The following ZNF438 variants were observed in gnomAD, a reference collection of about 807,000 sequenced individuals.
ZNF438 encodes the protein zinc finger protein 438.
ZNF438 carries 25 observed loss-of-function variants against 38.0 expected under a neutral mutation model. The observed-to-expected ratio is 0.66, with a 90% CI of 0.48 to 0.92. The LOEUF (loss-of-function observed/expected upper bound fraction) is 0.92. Among genes scored for constraint, ZNF438 ranks in the 40% least tolerant of loss-of-function variants. The pLI is 0.00. For missense variants in ZNF438, 1,007 were observed against 999.6 expected (o/e 1.01, Z -0.10); for synonymous variants, 372 against 364.1 (o/e 1.02, Z -0.25).
At chr10:30,884,274 A>G (rs1476265587) in intron 3 of ZNF438, among the ~76,000 whole-genome samples, 2 of 152,160 alleles carry the variant, frequency 1.3e-5, no homozygotes, top group Non-Finnish European at 2.9e-5. Flanking sequence ...TTAAACATGA[A>G]TAAGTTATAT....
intron 4 of ZNF438, among the ~76,000 whole-genome samples, chr10:30,856,473 A>G (rs1307765940): frequency 2.3e-5 from 3 of 132,956 alleles, no homozygotes; most frequent in African/African-American, 8.0e-5. Flanking sequence ...ACATACTAAG[A>G]TAGTATGTCT....
intron 1 of ZNF438, among the ~76,000 whole-genome samples, chr10:30,967,085 G>C (rs1448203961): frequency 6.6e-6 from 1 of 152,172 alleles, no homozygotes; most frequent in Non-Finnish European, 1.5e-5. Flanking sequence ...CTCTTTACCT[G>C]AGATTAAGGC....
chr10:30,847,442 T>A (rs1017671760), intron 5 of ZNF438, among the ~76,000 whole-genome samples: 1 of 152,202 alleles, frequency 6.6e-6, no homozygotes, highest in Non-Finnish European at 1.5e-5. Flanking sequence ...AACTCTGAGC[T>A]GTTCTATCAC....
intron 2 of ZNF438, among the ~76,000 whole-genome samples, chr10:30,929,558 T>A (rs1411195405): frequency 1.3e-5 from 2 of 152,070 alleles, no homozygotes; most frequent in African/African-American, 4.8e-5. Context: ...TTGCAAAGAG[T>A]GAAAGAACAA....
intron 1 of ZNF438, among the ~76,000 whole-genome samples, chr10:30,968,439 T>G (rs946657207): frequency 2.9e-5 from 4 of 139,544 alleles, no homozygotes; most frequent in Non-Finnish European, 6.2e-5. Flanking sequence ...GTAAACTTTT[T>G]TTTTTTTTTT....
intron 2 of ZNF438, among the ~76,000 whole-genome samples, chr10:30,915,639 T>C (rs1400969309): frequency 1.3e-5 from 2 of 151,776 alleles, no homozygotes; most frequent in Admixed American, 1.3e-4. Flanking sequence ...AGTGCAGAGA[T>C]GAAAAAATCT....
chr10:31,013,531 T>G (rs1165560225), intron 1 of ZNF438, among the ~76,000 whole-genome samples: 1 of 152,112 alleles, frequency 6.6e-6, no homozygotes, highest in Non-Finnish European at 1.5e-5. Flanking sequence ...GAGGGGTTAT[T>G]AGGTCAGACT....
At chr10:30,885,437 A>C (rs927830352) in intron 3 of ZNF438, among the ~76,000 whole-genome samples, 3 of 152,250 alleles carry the variant, frequency 2.0e-5, no homozygotes, top group Admixed American at 2.0e-4. Context: ...TGTATTCTAC[A>C]CTGTAGCTCT....
At chr10:30,951,430 AT>A (rs2048181211) in intron 1 of ZNF438, among the ~76,000 whole-genome samples, 1 of 151,972 alleles carries the variant, frequency 6.6e-6, no homozygotes, top group South Asian at 2.1e-4. Flanking sequence ...AATAAAGGGT[AT>A]TCAATTAGGA....
At chr10:31,026,316 G>C (rs934779052) in intron 1 of ZNF438, among the ~76,000 whole-genome samples, 5 of 152,026 alleles carry the variant, frequency 3.3e-5, no homozygotes, top group African/African-American at 9.7e-5. Context: ...CTACAGAATG[G>C]GAGAAAATTT....
chr10:30,856,962 G>A (rs976847441), intron 4 of ZNF438, among the ~76,000 whole-genome samples: 1 of 152,166 alleles, frequency 6.6e-6, no homozygotes, highest in African/African-American at 2.4e-5. Context: ...TAGAATTAAT[G>A]CTAGGTCTTT....
At chr10:30,969,966 T>C (rs976701267) in intron 1 of ZNF438, among the ~76,000 whole-genome samples, 2 of 152,150 alleles carry the variant, frequency 1.3e-5, no homozygotes, top group Non-Finnish European at 2.9e-5. Context: ...CTATGAAGAA[T>C]AATGATGACA....
At chr10:30,982,268 A>G (rs1024835626) in intron 1 of ZNF438, among the ~76,000 whole-genome samples, 2 of 151,376 alleles carry the variant, frequency 1.3e-5, no homozygotes, top group African/African-American at 4.9e-5. Context: ...CGCCTGGCTA[A>G]TTTTTTGTAT....
At chr10:30,947,099 G>C (rs1044140897) in intron 1 of ZNF438, among the ~76,000 whole-genome samples, 1 of 152,208 alleles carries the variant, frequency 6.6e-6, no homozygotes, top group African/African-American at 2.4e-5. Flanking sequence ...TCCTCTGGTA[G>C]ACAGTCCCAG....
chr10:30,882,458 C>G (rs562295589), intron 3 of ZNF438, among the ~76,000 whole-genome samples: 1 of 152,230 alleles, frequency 6.6e-6, no homozygotes, highest in South Asian at 2.1e-4. Context: ...AGAAACAACC[C>G]AAATGTTCAC....
intron 1 of ZNF438, among the ~76,000 whole-genome samples, chr10:31,019,667 G>A (rs559580891): frequency 2.0e-5 from 3 of 152,336 alleles, no homozygotes; most frequent in African/African-American, 4.8e-5. Context: ...CACAGAAAGT[G>A]AAGTTAAGTT....
At chr10:30,915,688 T>G (rs1358563179) in intron 2 of ZNF438, among the ~76,000 whole-genome samples, 3 of 152,058 alleles carry the variant, frequency 2.0e-5, no homozygotes. Context: ...AACATAACAT[T>G]AAGATCTAGA....
At chr10:30,964,181 C>T (rs2049861089) in intron 1 of ZNF438, among the ~76,000 whole-genome samples, 1 of 152,182 alleles carries the variant, frequency 6.6e-6, no homozygotes, top group Admixed American at 6.5e-5. Context: ...TTCTTCATTG[C>T]TGCTCGGCAC....
At chr10:30,966,889 C>A (rs533310092) in intron 1 of ZNF438, among the ~76,000 whole-genome samples, 34 of 152,184 alleles carry the variant, frequency 2.2e-4, no homozygotes, top group East Asian at 7.7e-4. Context: ...TTGCTTAGAG[C>A]AATGCAGACA....
Sources: allele counts gnomAD v4.1 joint callset (sites outside exome capture counted in the v4.1 genomes callset), GRCh38; gene constraint gnomAD v4.1.1; transcripts MANE v1.5; gene names NCBI Gene and HGNC (gene_info 2026-07-23, HGNC 2026-07-21).